PRKG1: variants seen among roughly 807,000 people sequenced by gnomAD.
The protein encoded by PRKG1 is protein kinase cGMP-dependent 1, also known as cGMP-dependent protein kinase 1.
A neutral mutation model predicts 88.1 loss-of-function variants in PRKG1; 35 were observed. The ratio of observed to expected loss-of-function variants is 0.40; its 90% CI spans 0.30 to 0.53. The LOEUF (loss-of-function observed/expected upper bound fraction) is 0.53, where lower values mean the gene tolerates loss of function less well. Among genes scored for constraint, PRKG1 ranks in the 20% least tolerant of loss-of-function variants. The probability of loss-of-function intolerance (pLI) is 0.59; values close to 1 mark genes in which losing one functional copy is unlikely to be tolerated. For synonymous variants in PRKG1, 303 were observed against 292.5 expected (o/e 1.04, Z -0.37); for missense variants, 540 against 839.8 (o/e 0.64, Z 4.41).
At chr10:51,434,223 T>A (rs2132731421) in intron 2 of PRKG1, among the ~76,000 whole-genome samples, 1 of 152,206 alleles carries the variant, frequency 6.6e-6, no homozygotes, top group Admixed American at 6.5e-5. Context: ...TTCAAATCCG[T>A]ATCACAGGCT....
intron 1 of PRKG1, among the ~76,000 whole-genome samples, chr10:51,145,343 C>G (rs1169178625): frequency 1.4e-5 from 2 of 144,294 alleles, no homozygotes; most frequent in Non-Finnish European, 3.0e-5. Context: ...ATATAAATAT[C>G]TGACATTTTT....
intron 2 of PRKG1, among the ~76,000 whole-genome samples, chr10:51,156,488 T>C (rs1320622898): frequency 1.3e-5 from 2 of 152,034 alleles, no homozygotes; most frequent in Non-Finnish European, 2.9e-5. Context: ...TTAATTATCC[T>C]TTTAAAAACA....
At chr10:51,570,234 A>G (rs1403503288) in intron 3 of PRKG1, among the ~76,000 whole-genome samples, 1 of 151,698 alleles carries the variant, frequency 6.6e-6, no homozygotes, top group Non-Finnish European at 1.5e-5. Flanking sequence ...ATAACTTTCA[A>G]TTACACTCAA....
chr10:51,642,287 G>T (rs914509366), intron 3 of PRKG1, among the ~76,000 whole-genome samples: 3 of 152,100 alleles, frequency 2.0e-5, no homozygotes, highest in Non-Finnish European at 4.4e-5. Context: ...CTACTCAGGG[G>T]GCTGAGGCAG....
chr10:52,116,396 CATGA>C (rs1208998653), intron 7 of PRKG1, among the ~76,000 whole-genome samples: 2 of 152,136 alleles, frequency 1.3e-5, no homozygotes, highest in African/African-American at 4.8e-5. Context: ...TACTCTATTA[CATGA>C]ATGAATGAGC....
At chr10:51,685,987 T>C (rs1359309329) in intron 3 of PRKG1, among the ~76,000 whole-genome samples, 1 of 152,138 alleles carries the variant, frequency 6.6e-6, no homozygotes, top group East Asian at 1.9e-4. Flanking sequence ...TTGGCTGGCA[T>C]GGGCTGAGTC....
chr10:51,921,980 A>C (rs1589423634), intron 5 of PRKG1, among the ~76,000 whole-genome samples: 1 of 151,938 alleles, frequency 6.6e-6, no homozygotes, highest in East Asian at 1.9e-4. Flanking sequence ...AATATATAGA[A>C]TTGGTATTAT....
intron 3 of PRKG1, among the ~76,000 whole-genome samples, chr10:51,483,897 T>G (rs1381499748): frequency 6.6e-6 from 1 of 152,214 alleles, no homozygotes; most frequent in Non-Finnish European, 1.5e-5. Context: ...TTTCAAAGTT[T>G]CCCTCCTTTA....
intron 3 of PRKG1, among the ~76,000 whole-genome samples, chr10:51,556,866 A>C (rs1438034035): frequency 2.0e-5 from 3 of 152,038 alleles, no homozygotes; most frequent in Non-Finnish European, 4.4e-5. Flanking sequence ...GTTCCCTTTA[A>C]TCTATAATAA....
intron 5 of PRKG1, among the ~76,000 whole-genome samples, chr10:51,921,390 G>T (rs1258928166): frequency 6.6e-6 from 1 of 151,864 alleles, no homozygotes; most frequent in Non-Finnish European, 1.5e-5. Context: ...TTCCCCATCT[G>T]TCTCTCTTTT....
At chr10:51,356,674 T>A (rs541324225) in intron 2 of PRKG1, among the ~76,000 whole-genome samples, 34 of 152,146 alleles carry the variant, frequency 2.2e-4, no homozygotes, top group African/African-American at 7.9e-4. Flanking sequence ...CATTTCCCCC[T>A]ACTTCACCTT....
At chr10:51,575,836 T>C (rs1837872036) in intron 3 of PRKG1, among the ~76,000 whole-genome samples, 1 of 151,848 alleles carries the variant, frequency 6.6e-6, no homozygotes, top group Admixed American at 6.6e-5. Flanking sequence ...ATAAGAACAA[T>C]TTTAAAAATA....
intron 3 of PRKG1, among the ~76,000 whole-genome samples, chr10:51,665,691 CT>C (rs1840405406): frequency 6.7e-6 from 1 of 148,606 alleles, no homozygotes. Flanking sequence ...TTTTTTTTGT[CT>C]TTCTACTCAT....
Position 52,220,738 on chromosome 10 carries a change from G to C in PRKG1, c.1077-30832G>C, listed in dbSNP as rs534895525. Among the ~76,000 whole-genome samples the C allele has an allele frequency of 7.2e-5, 11 of 152,116 alleles. No homozygotes were observed. The South Asian group carries it at 2.3e-3, about 32-fold the overall frequency. ...CCACCTCCACCCATGTTCCTGCAGAGGACAGGATTTCATTATTTTTATGAC... is the reference window on the plus strand; with the variant it reads ...CCACCTCCACCCATGTTCCTGCAGACGACAGGATTTCATTATTTTTATGAC... On this transcript the variant is annotated intron_variant, in intron 9 of 17. Coordinates refer to ENST00000373980, the MANE Select transcript of PRKG1 (RefSeq NM_006258.4).
intron 5 of PRKG1, among the ~76,000 whole-genome samples, chr10:52,024,891 T>C (rs1311143866): frequency 1.3e-5 from 2 of 152,236 alleles, no homozygotes; most frequent in Non-Finnish European, 2.9e-5. Context: ...TCTAGATCCT[T>C]GAGGAATTGC....
intron 3 of PRKG1, among the ~76,000 whole-genome samples, chr10:51,597,018 C>G (rs946863713): frequency 6.6e-6 from 1 of 152,128 alleles, no homozygotes. Context: ...ATTTATCGTC[C>G]CTGTAACAAG....
chr10:51,185,531 T>C lies in PRKG1; in HGVS notation c.478+32201T>C, dbSNP rs372059236. On this transcript the variant is annotated intron_variant, in intron 2 of 17. Coordinates refer to ENST00000373980, the MANE Select transcript of PRKG1 (RefSeq NM_006258.4). ...TTTAGAATATATGTTACCAAAAAGA[T>C]AAACTTAAAATATTTTAAAATTCCA... Among the ~76,000 whole-genome samples the C allele has an allele frequency of 2.6e-5, 4 of 152,010 alleles. No homozygotes were observed. In the East Asian group the frequency reaches 5.8e-4, roughly 22 times the overall value.
intron 3 of PRKG1, among the ~76,000 whole-genome samples, chr10:51,648,029 T>C (rs1666284881): frequency 1.4e-5 from 1 of 71,418 alleles, no homozygotes; most frequent in Non-Finnish European, 3.4e-5. Flanking sequence ...TTACATTTTC[T>C]GGTTACACAT....
At chr10:51,520,767 G>A (rs1156796287) in intron 3 of PRKG1, among the ~76,000 whole-genome samples, 1 of 152,050 alleles carries the variant, frequency 6.6e-6, no homozygotes, top group Non-Finnish European at 1.5e-5. Context: ...GAAATAGCCG[G>A]CAAAAAGAAT....
Sources: gnomAD v4.1 joint callset for allele counts (sites outside exome capture counted in the v4.1 genomes callset) on GRCh38, gnomAD v4.1.1 for gene constraint, MANE v1.5 for transcripts, NCBI Gene and HGNC (gene_info 2026-07-23, HGNC 2026-07-21) for gene names.